The following USP25 variants were observed in gnomAD, a reference collection of about 807,000 sequenced individuals.
The protein encoded by USP25 is ubiquitin carboxyl-terminal hydrolase 25.
USP25 carries 85 observed loss-of-function variants against 158.5 expected under a neutral mutation model. The observed-to-expected ratio is 0.54, with a 90% CI of 0.45 to 0.64. The LOEUF (loss-of-function observed/expected upper bound fraction) is 0.64, where lower values mean the gene tolerates loss of function less well. Among genes scored for constraint, USP25 ranks in the 30% least tolerant of loss-of-function variants. The pLI, the probability that USP25 is intolerant of heterozygous loss-of-function variation, is 0.00. For synonymous variants in USP25, 464 were observed against 460.4 expected (o/e 1.01, Z -0.10); for missense variants, 1,242 against 1,327.3 (o/e 0.94, Z 1.00).
intron 5 of USP25, among the ~76,000 whole-genome samples, chr21:15,794,668 G>C (rs1012395285): frequency 1.3e-5 from 2 of 151,184 alleles, no homozygotes; most frequent in African/African-American, 4.9e-5. Flanking sequence ...TTGTAGATCT[G>C]TTGGCACCTG....
intron 21 of USP25, 114 bp downstream of exon 21, chr21:15,864,560 A>G (rs1193847448): frequency 1.0e-6 from 1 of 975,950 alleles, no homozygotes; most frequent in African/African-American, 1.7e-5. Context: ...ACATATTTTA[A>G]TAAATACGTA....
intron 19 of USP25, 86 bp downstream of exon 19, chr21:15,847,862 T>A: frequency 1.3e-6 from 1 of 764,162 alleles, no homozygotes; most frequent in Middle Eastern, 2.4e-4. Flanking sequence ...CCCTCATACT[T>A]AATGTCTATT....
At chr21:15,761,631 G>A (rs559503652) in intron 1 of USP25, among the ~76,000 whole-genome samples, 78 of 152,314 alleles carry the variant, frequency 5.1e-4, no homozygotes, top group African/African-American at 1.7e-3. Context: ...CACACTGTGC[G>A]TGCAGCCCCT....
intron 22 of USP25, among the ~76,000 whole-genome samples, chr21:15,867,976 A>C (rs557430738): frequency 1.3e-4 from 20 of 152,154 alleles, no homozygotes; most frequent in Non-Finnish European, 2.6e-4. Flanking sequence ...AAATTCCAGC[A>C]AGATGTTTTA....
At chr21:15,829,518 T>G (rs894797459) in intron 14 of USP25, among the ~76,000 whole-genome samples, 3 of 152,206 alleles carry the variant, frequency 2.0e-5, no homozygotes, top group Non-Finnish European at 2.9e-5. Flanking sequence ...TTTTCACAAT[T>G]GAAAAACTGG....
At chr21:15,797,174 G>A (rs2035902096) in intron 5 of USP25, among the ~76,000 whole-genome samples, 1 of 151,310 alleles carries the variant, frequency 6.6e-6, no homozygotes, top group Admixed American at 6.6e-5. Context: ...CAGTGTATTT[G>A]TAGTTCCAGA....
At chr21:15,750,180 CCGTGTG>C (rs2032876383) in intron 1 of USP25, among the ~76,000 whole-genome samples, 1 of 134,540 alleles carries the variant, frequency 7.4e-6, no homozygotes, top group African/African-American at 3.1e-5. Context: ...ATCTCCAGTG[CCGTGTG>C]TGTGTGTGTG....
In USP25 at chr21:15,816,930, G is replaced by T. The variant is rs1171865468; in HGVS notation, c.932-1768G>T. ...GTGGATCACTTGAGGTCAGGAGTTC[G>T]AGACCAGCCTGGCCAACATGGTGAA... is the stretch of plus-strand genomic sequence containing the variant. On this transcript the variant is annotated intron_variant, in intron 9 of 25. Coordinates refer to ENST00000400183, the MANE Select transcript of USP25 (RefSeq NM_001283041.3). This position sits in a 1 kb window ranked among gnomAD's most constrained non-coding sequence, Gnocchi z 4.0. Among the ~76,000 whole-genome samples the T allele has an allele frequency of 3.3e-5, 5 of 152,002 alleles. No homozygotes were observed. In the South Asian group the frequency reaches 1.0e-3, roughly 32 times the overall value.
At chr21:15,855,629 G>T (rs755706594) in intron 20 of USP25, among the ~76,000 whole-genome samples, 21 of 152,288 alleles carry the variant, frequency 1.4e-4, no homozygotes, top group Admixed American at 4.6e-4. Flanking sequence ...CCTCTTGGTT[G>T]TGTACATTTG....
At chr21:15,806,556 G>C (rs959041218) in intron 7 of USP25, among the ~76,000 whole-genome samples, 7 of 152,016 alleles carry the variant, frequency 4.6e-5, no homozygotes, top group Non-Finnish European at 1.0e-4. Context: ...TTCAGTTTGA[G>C]TTAGAGTTGA....
At position 15,812,821 on chromosome 21, in the gene USP25, T is replaced by G. The variant is rs1486022702; in HGVS notation, c.931+1611T>G. Among the ~76,000 whole-genome samples, 5 of 152,170 alleles carry G rather than the reference T, an allele frequency of 3.3e-5. No homozygotes were observed. In the South Asian group the frequency reaches 6.2e-4, roughly 19 times the overall value. ...TATTTCAGAGTACTTTCTTATCACT[T>G]TTTACATAGATCTTCCTAATACTTT... is the stretch of plus-strand genomic sequence containing the variant. On this transcript the variant is annotated intron_variant, in intron 9 of 25. Coordinates refer to ENST00000400183, the MANE Select transcript of USP25 (RefSeq NM_001283041.3).
At chr21:15,808,928 TTAGA>T in intron 8 of USP25, 43 bp downstream of exon 8, 1 of 1,339,018 alleles carries the variant, frequency 7.5e-7, no homozygotes, top group South Asian at 1.3e-5. Context: ...TAGGAATTCA[TTAGA>T]TAGCATGTAT....
At position 15,864,567 on chromosome 21, in the gene USP25, C is replaced by T. The variant is rs908011691; in HGVS notation, c.2726+121C>T. 43 of 938,754 alleles carry T rather than the reference C, an allele frequency of 4.6e-5. 1 individual carries two copies. Among genetic ancestry groups the T allele is most frequent in the African/African-American group, 4.2e-4 (24 of 57,758 alleles). The allele number at this position is 938,754 out of a possible 1,614,324, so 58.2% of individuals were successfully genotyped here. ...GCATGGGCACATATTTTAATAAATA[C>T]GTAACAAAATTTGAACTCAATGTGA... On this transcript the variant is annotated intron_variant, in intron 21 of 25. Coordinates refer to ENST00000400183, the MANE Select transcript of USP25 (RefSeq NM_001283041.3).
intron 3 of USP25, among the ~76,000 whole-genome samples, chr21:15,775,382 G>A (rs2123482963): frequency 6.6e-6 from 1 of 152,262 alleles, no homozygotes; most frequent in African/African-American, 2.4e-5. Context: ...GGAAGGACTG[G>A]AGGAAAGCTC....
chr21:15,740,089 A>G (rs1449114253), intron 1 of USP25, among the ~76,000 whole-genome samples: 1 of 152,194 alleles, frequency 6.6e-6, no homozygotes, highest in East Asian at 1.9e-4. Flanking sequence ...GGTTTAGATC[A>G]GTTTCGTATA....
chr21:15,858,243 G>A lies in USP25; in HGVS notation c.2548-6025G>A, dbSNP rs554832018. On this transcript the variant is annotated intron_variant, in intron 20 of 25. Coordinates refer to ENST00000400183, the MANE Select transcript of USP25 (RefSeq NM_001283041.3). ...TTCCTTTCCAAATCCTTTTAGAATTGTATTTATGTATTAATTTAACATGAA... is the reference window on the plus strand; with the variant it reads ...TTCCTTTCCAAATCCTTTTAGAATTATATTTATGTATTAATTTAACATGAA... 7.2e-5 allele frequency among the ~76,000 whole-genome samples: 11 copies of A among 151,886 alleles called. No homozygotes were observed. The South Asian group carries it at 2.1e-3, about 29-fold the overall frequency.
In USP25 at chr21:15,818,687, CCTT is replaced by C; in HGVS notation, c.932-7_932-5del. Reference sequence around the variant, plus strand: ...CATATTGAGTATTATTAATTTTCTCCCTTCTTATAGGTAAAAAATTTGAAAACA... The same window carrying C: ...CATATTGAGTATTATTAATTTTCTCCCTTATAGGTAAAAAATTTGAAAACA... On this transcript the variant is annotated splice_polypyrimidine_tract_variant and splice_region_variant and intron_variant, in intron 9 of 25. Transcript: ENST00000400183. 6.3e-7 allele frequency: 1 copy of C among 1,597,616 alleles called. No homozygotes were observed. The highest frequency in any genetic ancestry group is 8.5e-7 in the Non-Finnish European group (1 of 1,171,078).
chr21:15,805,072 C>T (rs1485663432), intron 6 of USP25, 49 bp from the exon 7 acceptor site: 1 of 1,512,440 alleles, frequency 6.6e-7, no homozygotes, highest in East Asian at 2.4e-5. Flanking sequence ...TAAAAATTTT[C>T]TTAATCTTCA....
At chr21:15,846,612 A>G (rs543411445) in intron 18 of USP25, among the ~76,000 whole-genome samples, 1 of 152,278 alleles carries the variant, frequency 6.6e-6, no homozygotes, top group East Asian at 1.9e-4. Flanking sequence ...TTCTAATGGA[A>G]ATGAAACCTC....
Sources: allele counts gnomAD v4.1 joint callset (sites outside exome capture counted in the v4.1 genomes callset), GRCh38; gene constraint gnomAD v4.1.1; non-coding constraint Gnocchi (gnomAD v3.1); transcripts MANE v1.5; gene names NCBI Gene and HGNC (gene_info 2026-07-23, HGNC 2026-07-21).